TRPC4: variants seen among roughly 807,000 people sequenced by gnomAD.
The protein encoded by TRPC4 is transient receptor potential cation channel subfamily C member 4.
A neutral mutation model predicts 99.4 loss-of-function variants in TRPC4; 49 were observed. The ratio of observed to expected loss-of-function variants is 0.49; its 90% CI spans 0.39 to 0.63. TRPC4 has a LOEUF of 0.63. Among genes scored for constraint, TRPC4 ranks in the 20% least tolerant of loss-of-function variants. TRPC4 has a pLI of 0.00. For missense variants in TRPC4, 898 were observed against 1,152.9 expected, an observed-to-expected ratio of 0.78 and a Z score of 3.20; for synonymous variants, 454 against 425.9, an observed-to-expected ratio of 1.07 and a Z score of -0.81.
At chr13:37,672,598 C>T (rs1200201317) in intron 5 of TRPC4, among the ~76,000 whole-genome samples, 2 of 152,100 alleles carry the variant, frequency 1.3e-5, no homozygotes, top group Non-Finnish European at 2.9e-5. Context: ...CATGACAGCA[C>T]AAAACCACAA....
At chr13:37,815,656 G>A (rs1258416662) in intron 1 of TRPC4, among the ~76,000 whole-genome samples, 6 of 151,660 alleles carry the variant, frequency 4.0e-5, no homozygotes, top group Non-Finnish European at 8.9e-5. Context: ...AGATAACCAC[G>A]CAATAAAAGT....
At chr13:37,745,448 A>ATATATATATATATATATGCGTG (rs1566138051) in intron 3 of TRPC4, among the ~76,000 whole-genome samples, 1 of 2,920 alleles carries the variant, frequency 3.4e-4, no homozygotes, top group African/African-American at 5.9e-4. Flanking sequence ...ATATATATAT[A>ATATATATATATATATATGCGTG]TATATATATA....
chr13:37,661,063 AT>A (rs1337110011), intron 6 of TRPC4, among the ~76,000 whole-genome samples: 5 of 152,242 alleles, frequency 3.3e-5, no homozygotes, highest in African/African-American at 1.2e-4. Context: ...TTTAGAAAAA[AT>A]AATTCAAGTG....
At chr13:37,695,010 A>C (rs558028704) in intron 3 of TRPC4, among the ~76,000 whole-genome samples, 1 of 152,312 alleles carries the variant, frequency 6.6e-6, no homozygotes, top group South Asian at 2.1e-4. Context: ...TTTTCCATGC[A>C]AAAATGGGTT....
At chr13:37,654,975 T>C (rs1323619592) in intron 7 of TRPC4, 113 bp downstream of exon 7, 6 of 834,198 alleles carry the variant, frequency 7.2e-6, no homozygotes, top group Non-Finnish European at 1.0e-5. Context: ...TTCTTATCTG[T>C]CTAATCAATA....
chr13:37,710,392 T>A (rs1954440984), intron 3 of TRPC4, among the ~76,000 whole-genome samples: 2 of 151,940 alleles, frequency 1.3e-5, no homozygotes, highest in Admixed American at 6.6e-5. Flanking sequence ...TATTTATTTA[T>A]TTTTGGTTGC....
At chr13:37,863,314 ACAAATACTGTGGT>A (rs1959514048) in intron 1 of TRPC4, among the ~76,000 whole-genome samples, 1 of 151,576 alleles carries the variant, frequency 6.6e-6, no homozygotes, top group Non-Finnish European at 1.5e-5. Flanking sequence ...ATATTCAAAA[ACAAATACTGTGGT>A]CCTTTATGGG....
rs552376640 is a variant in TRPC4, at chr13:37,772,251, C to T, written c.378+10705G>A. On this transcript the variant is annotated intron_variant, in intron 2 of 10. Transcript: ENST00000379705. ...GAATTGGGGCTACTACATCTATTAC[C>T]TAAGAGTGGGAGGGAAAATATGTCC... Among the ~76,000 whole-genome samples the T allele has an allele frequency of 5.3e-5, 8 of 151,766 alleles. No individual in the cohort carries two copies. The East Asian group carries it at 1.6e-3, about 30-fold the overall frequency.
chr13:37,663,773 G>A (rs73186508), intron 5 of TRPC4, 44 bp from the exon 6 acceptor site: 93 of 1,479,608 alleles, frequency 6.3e-5, no homozygotes, highest in African/African-American at 5.8e-4. Flanking sequence ...ACAAACACAC[G>A]CATATAAATA....
At chr13:37,771,403 T>C (rs1956546416) in intron 2 of TRPC4, among the ~76,000 whole-genome samples, 1 of 151,804 alleles carries the variant, frequency 6.6e-6, no homozygotes, top group African/African-American at 2.4e-5. Flanking sequence ...GTGATTCTAT[T>C]AATATATCAA....
chr13:37,839,906 A>T (rs79935784), intron 1 of TRPC4, among the ~76,000 whole-genome samples: 3,213 of 152,266 alleles, frequency 0.021, 58 homozygotes, highest in African/African-American at 0.045. Context: ...TCCATCAACC[A>T]AGTATTCTAT....
chr13:37,662,365 G>GA (rs939287939), intron 6 of TRPC4, among the ~76,000 whole-genome samples: 2 of 151,794 alleles, frequency 1.3e-5, no homozygotes, highest in Non-Finnish European at 2.9e-5. Flanking sequence ...ATCTATTTCT[G>GA]AAAAAAATGA....
At chr13:37,641,708 C>A (rs2138546144) in intron 8 of TRPC4, among the ~76,000 whole-genome samples, 1 of 152,170 alleles carries the variant, frequency 6.6e-6, no homozygotes, top group African/African-American at 2.4e-5. Flanking sequence ...AATATGGTCC[C>A]AGGGGTTACA....
intron 3 of TRPC4, among the ~76,000 whole-genome samples, chr13:37,720,897 A>T (rs1954846552): frequency 6.6e-6 from 1 of 152,204 alleles, no homozygotes; most frequent in African/African-American, 2.4e-5. Context: ...CTCTAAACAC[A>T]TGGTGTGTCA....
chr13:37,750,265 T>A (rs1593655121), intron 2 of TRPC4, among the ~76,000 whole-genome samples: 1 of 152,170 alleles, frequency 6.6e-6, no homozygotes, highest in Admixed American at 6.6e-5. Flanking sequence ...ATTAAGAATA[T>A]TGCTCTTATG....
chr13:37,792,239 A>C (rs958351083), intron 1 of TRPC4, among the ~76,000 whole-genome samples: 1 of 152,146 alleles, frequency 6.6e-6, no homozygotes, highest in Non-Finnish European at 1.5e-5. Context: ...TGATGCTAGC[A>C]CAATATTCAT....
chr13:37,866,846 TG>T (rs137927414), intron 1 of TRPC4, among the ~76,000 whole-genome samples: 41,528 of 105,316 alleles, frequency 0.39, 7,308 homozygotes, highest in Middle Eastern at 0.49. Context: ...TTATTTTTTG[TG>T]GGGGGGGGCG....
At chr13:37,651,087 G>T (rs1489634160) in intron 8 of TRPC4, among the ~76,000 whole-genome samples, 178 bp downstream of exon 8, 1 of 152,150 alleles carries the variant, frequency 6.6e-6, no homozygotes, top group Non-Finnish European at 1.5e-5. Context: ...ATTCACTTGT[G>T]AAGAAATCCT....
At chr13:37,840,792 A>G (rs377125836) in intron 1 of TRPC4, among the ~76,000 whole-genome samples, 22 of 152,158 alleles carry the variant, frequency 1.4e-4, no homozygotes, top group Admixed American at 9.8e-4. Context: ...TTGGCCTTCC[A>G]TCTTTTGTTG....
Sources: allele counts gnomAD v4.1 joint callset (sites outside exome capture counted in the v4.1 genomes callset), GRCh38; gene constraint gnomAD v4.1.1; transcripts MANE v1.5; gene names NCBI Gene and HGNC (gene_info 2026-07-23, HGNC 2026-07-21).